Variants in RAP1A observed in about 807,000 individuals in gnomAD.
RAP1A encodes the protein RAP1A, member of RAS oncogene family.
RAP1A carries 6 observed loss-of-function variants against 26.4 expected under a neutral mutation model. That is an observed-to-expected ratio of 0.23 (90% CI 0.12 to 0.45). RAP1A has a LOEUF of 0.45. Ranked by LOEUF, RAP1A falls within the 20% of genes least tolerant of loss-of-function variation. The pLI, the probability that RAP1A is intolerant of heterozygous loss-of-function variation, is 0.99. For missense variants in RAP1A, 121 were observed against 217.2 expected, an observed-to-expected ratio of 0.56 and a Z score of 2.78; for synonymous variants, 73 against 79.4, an observed-to-expected ratio of 0.92 and a Z score of 0.43.
Position 111,682,765 on chromosome 1 carries a change from CGA to C in RAP1A, c.-27-8566_-27-8565del, listed in dbSNP as rs775535521. ...CACACCACTGTCAATATTAGATCAACGAGACAGAAAATTGGCAAGGATATTCT... is the reference window on the plus strand; with the variant it reads ...CACACCACTGTCAATATTAGATCAACGACAGAAAATTGGCAAGGATATTCT... On this transcript the variant is annotated intron_variant, in intron 1 of 7. Transcript: ENST00000369709. Among the ~76,000 whole-genome samples the C allele has an allele frequency of 6.6e-5, 10 of 152,148 alleles. No homozygotes were observed. In the East Asian group the frequency reaches 1.9e-3, roughly 29 times the overall value.
At chr1:111,595,957 A>G (rs1571488684) in intron 1 of RAP1A, among the ~76,000 whole-genome samples, 1 of 152,358 alleles carries the variant, frequency 6.6e-6, no homozygotes, top group East Asian at 1.9e-4. Flanking sequence ...CAGTTTGCAC[A>G]TAGGACAATT....
intron 1 of RAP1A, among the ~76,000 whole-genome samples, chr1:111,570,075 G>A (rs1658016637): frequency 6.6e-6 from 1 of 152,124 alleles, no homozygotes; most frequent in African/African-American, 2.4e-5. Flanking sequence ...AGGCAAAGTT[G>A]TGCCAACCTA....
intron 1 of RAP1A, among the ~76,000 whole-genome samples, chr1:111,613,625 C>T (rs937914985): frequency 6.6e-6 from 1 of 152,232 alleles, no homozygotes; most frequent in African/African-American, 2.4e-5. Context: ...GTGACTAGTA[C>T]ATAGCTTATA....
chr1:111,697,030 ATGT>A (rs1054458834), intron 3 of RAP1A, among the ~76,000 whole-genome samples: 5 of 152,132 alleles, frequency 3.3e-5, no homozygotes, highest in East Asian at 1.9e-4. Context: ...TTACCCCAAA[ATGT>A]TGTGCGCATT....
chr1:111,568,787 T>C (rs1445517705), intron 1 of RAP1A, among the ~76,000 whole-genome samples: 1 of 152,096 alleles, frequency 6.6e-6, no homozygotes, highest in Non-Finnish European at 1.5e-5. Flanking sequence ...CTTCCGCCCC[T>C]GCCACTCCTG....
At chr1:111,666,039 C>T (rs940198487) in intron 1 of RAP1A, among the ~76,000 whole-genome samples, 2 of 152,122 alleles carry the variant, frequency 1.3e-5, no homozygotes, top group African/African-American at 2.4e-5. Context: ...TGATGACATA[C>T]GTAACCGTGA....
At chr1:111,560,880 C>T (rs1378036302) in intron 1 of RAP1A, among the ~76,000 whole-genome samples, 1 of 152,192 alleles carries the variant, frequency 6.6e-6, no homozygotes, top group East Asian at 1.9e-4. Context: ...CCAGGCCTTT[C>T]CTCTTGCTTC....
chr1:111,664,373 C>CA (rs57610280), intron 1 of RAP1A, among the ~76,000 whole-genome samples: 1,272 of 89,688 alleles, frequency 0.014, 34 homozygotes, highest in African/African-American at 0.025. Flanking sequence ...GACTCCGTCT[C>CA]AAAAAAAAAA....
At chr1:111,609,353 T>C (rs547981653) in intron 1 of RAP1A, among the ~76,000 whole-genome samples, 87 of 152,320 alleles carry the variant, frequency 5.7e-4, no homozygotes, top group African/African-American at 2.1e-3. Flanking sequence ...TATTATTTTT[T>C]TTAATCAAAA....
At chr1:111,573,826 G>T (rs975699687) in intron 1 of RAP1A, among the ~76,000 whole-genome samples, 2 of 151,070 alleles carry the variant, frequency 1.3e-5, no homozygotes, top group African/African-American at 2.4e-5. Context: ...TTGTAAATTT[G>T]TTTAAGTCCC....
rs1293177057 is a variant in RAP1A at position 111,714,614 on chromosome 1, C to T, written c.*2213C>T. ...AAGGTGGAACTGTCAAGAAAAACGC[C>T]TTTCTGGCACACAGTGATATGCAGA... On this transcript the variant is annotated 3_prime_UTR_variant, in exon 8 of 8. Transcript: ENST00000369709. 6.6e-6 allele frequency: 1 copy of T among 152,172 alleles called. No individual in the cohort carries two copies. The highest frequency in any genetic ancestry group is 1.5e-5 in the Non-Finnish European group (1 of 68,040). The allele number at this position is 152,172 out of a possible 1,614,324, so 9.4% of individuals were successfully genotyped here. A position where few individuals can be genotyped will look rare whatever the true frequency, so the allele number is the denominator to read the frequency against.
rs186553114 is a variant in RAP1A at position 111,671,120 on chromosome 1, G to A, written c.-27-20214G>A. On this transcript the variant is annotated intron_variant, in intron 1 of 7. Transcript: ENST00000369709. ...ACATAAGGAAGATGAGGGGAAATGC[G>A]TAAACCTGAGAAATTGTGGAAACCT... Among the ~76,000 whole-genome samples, 77 of 152,298 alleles carry A rather than the reference G, an allele frequency of 5.1e-4. 1 individual carries two copies. The highest frequency in any genetic ancestry group is 1.6e-3 in the African/African-American group (68 of 41,558).
At chr1:111,646,567 G>A (rs1490494311) in intron 1 of RAP1A, among the ~76,000 whole-genome samples, 2 of 151,672 alleles carry the variant, frequency 1.3e-5, no homozygotes, top group Non-Finnish European at 2.9e-5. Context: ...TTTGGACGGA[G>A]TCTCACTCTG....
intron 1 of RAP1A, among the ~76,000 whole-genome samples, chr1:111,659,607 A>G (rs1054879061): frequency 1.3e-5 from 2 of 151,480 alleles, no homozygotes; most frequent in African/African-American, 2.4e-5. Flanking sequence ...GCCATGCTGG[A>G]CAGTCTCTTT....
intron 1 of RAP1A, among the ~76,000 whole-genome samples, chr1:111,685,085 A>G (rs985205752): frequency 3.3e-5 from 5 of 152,136 alleles, no homozygotes; most frequent in African/African-American, 9.7e-5. Context: ...AGAAAACTGA[A>G]ACTGGACTCA....
At chr1:111,689,833 C>A (rs569400191) in intron 1 of RAP1A, among the ~76,000 whole-genome samples, 1 of 152,144 alleles carries the variant, frequency 6.6e-6, no homozygotes, top group Non-Finnish European at 1.5e-5. Flanking sequence ...CCCGCCACCA[C>A]GCCCGGCTAA....
At chr1:111,606,275 G>A (rs1658775144) in intron 1 of RAP1A, among the ~76,000 whole-genome samples, 1 of 152,108 alleles carries the variant, frequency 6.6e-6, no homozygotes, top group South Asian at 2.1e-4. Flanking sequence ...TGCCCCCTAA[G>A]GGAATTCCTC....
chr1:111,638,611 A>G (rs1456905768), intron 1 of RAP1A, among the ~76,000 whole-genome samples: 2 of 152,058 alleles, frequency 1.3e-5, no homozygotes, highest in Non-Finnish European at 1.5e-5. Flanking sequence ...TTTTTTGTAG[A>G]GACAGTGCTT....
intron 7 of RAP1A, among the ~76,000 whole-genome samples, chr1:111,710,608 T>A (rs1382153626): frequency 1.3e-5 from 2 of 152,230 alleles, no homozygotes; most frequent in Non-Finnish European, 2.9e-5. Flanking sequence ...AGATTATCCC[T>A]TAAGAGCTCC....
Sources: allele counts gnomAD v4.1 joint callset (sites outside exome capture counted in the v4.1 genomes callset), GRCh38; gene constraint gnomAD v4.1.1; transcripts MANE v1.5; gene names NCBI Gene and HGNC (gene_info 2026-07-23, HGNC 2026-07-21).